The following DOCK4 variants were observed in gnomAD, a reference collection of about 807,000 sequenced individuals.
DOCK4 encodes the protein dedicator of cytokinesis 4, also known as dedicator of cytokinesis protein 4.
DOCK4 carries 97 observed loss-of-function variants against 268.1 expected under a neutral mutation model. The observed-to-expected ratio is 0.36, with a 90% CI of 0.31 to 0.43. The LOEUF (loss-of-function observed/expected upper bound fraction) is 0.43. Among genes scored for constraint, DOCK4 ranks in the 20% least tolerant of loss-of-function variants. DOCK4 has a pLI of 1.00. For missense variants in DOCK4, 2,145 were observed against 2,455.7 expected (o/e 0.87, Z 2.67); for synonymous variants, 954 against 887.2 (o/e 1.08, Z -1.34).
intron 1 of DOCK4, among the ~76,000 whole-genome samples, chr7:112,010,444 C>T (rs1801198128): frequency 6.6e-6 from 1 of 152,202 alleles, no homozygotes; most frequent in Admixed American, 6.5e-5. Context: ...GCTGGTTATT[C>T]CTTACCGCTG....
chr7:111,811,438 T>C (rs1206452838), intron 28 of DOCK4, among the ~76,000 whole-genome samples: 2 of 152,182 alleles, frequency 1.3e-5, no homozygotes, highest in African/African-American at 4.8e-5. Context: ...ATCATAGATA[T>C]ACAGAGGGTT....
At chr7:111,786,852 T>C (rs1487715534) in intron 32 of DOCK4, among the ~76,000 whole-genome samples, 1 of 152,230 alleles carries the variant, frequency 6.6e-6, no homozygotes, top group Non-Finnish European at 1.5e-5. Context: ...CCTTCTTTCT[T>C]GTGCTCAGGT....
At chr7:111,796,153 G>A (rs1186254559) in intron 30 of DOCK4, among the ~76,000 whole-genome samples, 7 of 152,210 alleles carry the variant, frequency 4.6e-5, no homozygotes, top group Admixed American at 4.6e-4. Flanking sequence ...CACCATCAGA[G>A]AGTGTCCCTC....
chr7:111,858,665 C>T (rs1563601285), intron 23 of DOCK4, among the ~76,000 whole-genome samples: 1 of 152,212 alleles, frequency 6.6e-6, no homozygotes, highest in Non-Finnish European at 1.5e-5. Context: ...CAGACTGAAA[C>T]TATATCATCA....
chr7:111,791,099 T>TATATATATAA (rs1289561664), intron 30 of DOCK4, among the ~76,000 whole-genome samples: 3 of 137,466 alleles, frequency 2.2e-5, no homozygotes, highest in Non-Finnish European at 4.6e-5. Flanking sequence ...TATATATATA[T>TATATATATAA]AAAATAAATC....
chr7:112,064,446 A>C (rs1343189476), intron 1 of DOCK4, among the ~76,000 whole-genome samples: 1 of 152,124 alleles, frequency 6.6e-6, no homozygotes, highest in Non-Finnish European at 1.5e-5. Context: ...GGGAGCAAAA[A>C]ATTTATAAGC....
At chr7:112,174,765 G>C (rs1273166281) in intron 1 of DOCK4, among the ~76,000 whole-genome samples, 4 of 151,964 alleles carry the variant, frequency 2.6e-5, no homozygotes, top group Admixed American at 6.6e-5. Context: ...CCAATTTTAA[G>C]GCTCTGTCTC....
chr7:111,790,645 CTT>C, intron 30 of DOCK4, 40 bp from the exon 31 acceptor site: 6 of 1,514,254 alleles, frequency 4.0e-6, no homozygotes, highest in Non-Finnish European at 5.3e-6. Context: ...TATATTCAAT[CTT>C]AATATGATTT....
chr7:112,114,901 C>G (rs1352037119), intron 1 of DOCK4, among the ~76,000 whole-genome samples: 1 of 152,184 alleles, frequency 6.6e-6, no homozygotes, highest in Non-Finnish European at 1.5e-5. Context: ...TTACAATTAT[C>G]ATGAAAATAA....
intron 39 of DOCK4, among the ~76,000 whole-genome samples, chr7:111,760,781 T>TGTGTGTGTGTGTGTGTGA (rs61045792): frequency 3.5e-5 from 5 of 143,326 alleles, no homozygotes; most frequent in African/African-American, 1.1e-4. Flanking sequence ...TGTGTGTGTG[T>TGTGTGTGTGTGTGTGTGA]GTATTCTGCC....
chr7:112,142,539 G>A, intron 1 of DOCK4, among the ~76,000 whole-genome samples: 1 of 152,032 alleles, frequency 6.6e-6, no homozygotes, highest in Non-Finnish European at 1.5e-5. Flanking sequence ...GCCTTGCTGG[G>A]CTTTTGTATT....
chr7:112,109,256 C>A (rs765894101), intron 1 of DOCK4, among the ~76,000 whole-genome samples: 42 of 152,066 alleles, frequency 2.8e-4, no homozygotes, highest in Non-Finnish European at 5.4e-4. Context: ...CCACGCAAAA[C>A]AAAACAAAAC....
rs189484562 is a variant in DOCK4, at chr7:111,923,209, T to C, written c.1067-7305A>G. Among the ~76,000 whole-genome samples, 4 of 152,324 alleles carry C rather than the reference T, an allele frequency of 2.6e-5. No homozygotes were observed. The East Asian group carries it at 7.7e-4, about 29-fold the overall frequency. Reference sequence around the variant, plus strand: ...TTTAAAGTATATGAGGGGATGTGCATAGGTTATATGTAAATAGTATATGCT... The same window carrying C: ...TTTAAAGTATATGAGGGGATGTGCACAGGTTATATGTAAATAGTATATGCT... On this transcript the variant is annotated intron_variant, in intron 12 of 52. Coordinates refer to ENST00000428084, the MANE Select transcript of DOCK4 (RefSeq NM_001363540.2).
chr7:112,115,105 T>C (rs946662980), intron 1 of DOCK4, among the ~76,000 whole-genome samples: 1 of 152,156 alleles, frequency 6.6e-6, no homozygotes, highest in Non-Finnish European at 1.5e-5. Context: ...AGCTGGGCAT[T>C]TGCCCCTAAA....
intron 23 of DOCK4, among the ~76,000 whole-genome samples, chr7:111,861,449 TA>T (rs1279649091): frequency 6.6e-6 from 1 of 151,980 alleles, no homozygotes; most frequent in African/African-American, 2.4e-5. Flanking sequence ...TGGAAAAATA[TA>T]AAAGTATAAT....
chr7:111,836,202 CT>C (rs531222718), intron 25 of DOCK4, among the ~76,000 whole-genome samples: 547 of 138,188 alleles, frequency 4.0e-3, no homozygotes, highest in Non-Finnish European at 3.9e-3. Context: ...ATAATAGAGC[CT>C]TTTTTTTTTT....
intron 42 of DOCK4, among the ~76,000 whole-genome samples, chr7:111,750,656 G>C (rs1017511487): frequency 6.6e-6 from 1 of 152,154 alleles, no homozygotes; most frequent in Non-Finnish European, 1.5e-5. Flanking sequence ...TGCCTGCCTT[G>C]AAATTACTAG....
In DOCK4 at chr7:111,757,043, G is replaced by T. The variant is rs1487092128; in HGVS notation, c.4330-1442C>A. Among the ~76,000 whole-genome samples the T allele has an allele frequency of 5.3e-5, 8 of 152,110 alleles. No homozygotes were observed. The East Asian group carries it at 1.6e-3, about 30-fold the overall frequency. On this transcript the variant is annotated intron_variant, in intron 41 of 52. Coordinates refer to ENST00000428084, the MANE Select transcript of DOCK4 (RefSeq NM_001363540.2). The stretch of plus-strand genomic sequence containing the variant: ...TAGGAGTTTGCCAGGAGGAGAGTGG[G>T]GGTAGCAGCGCTGGCAGGAGGAGCG...
chr7:111,995,413 TTGTG>T (rs71529492), intron 4 of DOCK4, among the ~76,000 whole-genome samples: 7,252 of 116,858 alleles, frequency 0.062, 197 homozygotes, highest in Middle Eastern at 0.088. Flanking sequence ...AATTCTTTCT[TTGTG>T]TGTGTGTGTG....
Sources: gnomAD v4.1 joint callset for allele counts (sites outside exome capture counted in the v4.1 genomes callset) on GRCh38, gnomAD v4.1.1 for gene constraint, MANE v1.5 for transcripts, NCBI Gene and HGNC (gene_info 2026-07-23, HGNC 2026-07-21) for gene names.